Variants in TNKS observed in about 807,000 individuals in gnomAD.
The protein encoded by TNKS is tankyrase.
A neutral mutation model predicts 135.8 loss-of-function variants in TNKS; 72 were observed. The observed-to-expected ratio is 0.53, with a 90% CI of 0.44 to 0.64. TNKS has a LOEUF of 0.64. Among genes scored for constraint, TNKS ranks in the 30% least tolerant of loss-of-function variants. The probability of loss-of-function intolerance (pLI) is 0.00; values close to 1 mark genes in which losing one functional copy is unlikely to be tolerated. For missense variants in TNKS, 1,769 were observed against 1,674.0 expected, an observed-to-expected ratio of 1.06 and a Z score of -0.99; for synonymous variants, 849 against 649.3, an observed-to-expected ratio of 1.31 and a Z score of -4.68.
At chr8:9,723,575 G>T (rs147703870) in intron 12 of TNKS, among the ~76,000 whole-genome samples, 1 of 152,272 alleles carries the variant, frequency 6.6e-6, no homozygotes, top group East Asian at 1.9e-4. Flanking sequence ...AGCTTTTTAT[G>T]AATTAGCACT....
chr8:9,655,098 C>T (rs757932186), intron 3 of TNKS, among the ~76,000 whole-genome samples: 40 of 152,242 alleles, frequency 2.6e-4, no homozygotes, highest in Non-Finnish European at 4.7e-4. Context: ...AGATTATATC[C>T]TGCACCTGGC....
At chr8:9,732,344 T>C (rs543673119) in intron 14 of TNKS, among the ~76,000 whole-genome samples, 3 of 152,358 alleles carry the variant, frequency 2.0e-5, no homozygotes, top group Admixed American at 6.5e-5. Context: ...TCCCGTGTTC[T>C]GAGTTAATTT....
At chr8:9,734,442 T>C (rs919762157) in intron 15 of TNKS, among the ~76,000 whole-genome samples, 1 of 147,940 alleles carries the variant, frequency 6.8e-6, no homozygotes, top group African/African-American at 2.5e-5. Context: ...GCCTTTAGAA[T>C]TAAGTCCTTT....
intron 17 of TNKS, among the ~76,000 whole-genome samples, chr8:9,746,528 C>G (rs192657436): frequency 8.3e-4 from 126 of 152,258 alleles, no homozygotes; most frequent in African/African-American, 2.9e-3. Flanking sequence ...ATTTTTCTTC[C>G]ACTCTCCTTT....
intron 3 of TNKS, among the ~76,000 whole-genome samples, chr8:9,652,581 C>G (rs1489752040): frequency 6.6e-6 from 1 of 152,062 alleles, no homozygotes; most frequent in Non-Finnish European, 1.5e-5. Flanking sequence ...GTGGAGAAAT[C>G]TGTTTTCTCA....
chr8:9,708,471 G>T lies in TNKS; in HGVS notation c.1557G>T (p.Pro519=), dbSNP rs370231803. 42 of 1,605,140 alleles carry T rather than the reference G, an allele frequency of 2.6e-5. No homozygotes were observed. Among genetic ancestry groups the T allele is most frequent in the Admixed American group, 1.2e-4 (7 of 59,370 alleles). ...LALEIINFKQ[P]QSHETALHCA... ...TGGAAATCATTAATTTCAAACAACC[G>T]CAGTCTCATGAAACAGCACTGGTAA... Residue 519 remains proline, a synonymous_variant, in exon 9 of 27, where the codon CCG becomes CCT. Transcript: ENST00000310430.
intron 17 of TNKS, 131 bp from the exon 18 acceptor site, chr8:9,747,893 G>A (rs1205440360): frequency 2.3e-6 from 2 of 881,680 alleles, no homozygotes; most frequent in East Asian, 5.7e-5. Flanking sequence ...CTTTTTTTTA[G>A]AAGAAACTTC....
At chr8:9,630,118 G>T (rs187870753) in intron 3 of TNKS, among the ~76,000 whole-genome samples, 2 of 152,298 alleles carry the variant, frequency 1.3e-5, no homozygotes, top group East Asian at 3.9e-4. Context: ...ACTGTCTGCA[G>T]TGATTTCATT....
intron 5 of TNKS, among the ~76,000 whole-genome samples, chr8:9,703,538 T>C (rs1398821462): frequency 6.6e-6 from 1 of 152,206 alleles, no homozygotes; most frequent in Non-Finnish European, 1.5e-5. Flanking sequence ...TTCAGGACTC[T>C]TCTAATCTGA....
At chr8:9,596,057 G>A (rs1798775420) in intron 2 of TNKS, among the ~76,000 whole-genome samples, 1 of 152,180 alleles carries the variant, frequency 6.6e-6, no homozygotes. Flanking sequence ...GTTGCAGTGA[G>A]CCATAATCAC....
At chr8:9,559,482 A>C (rs1407760074) in intron 1 of TNKS, among the ~76,000 whole-genome samples, 2 of 152,110 alleles carry the variant, frequency 1.3e-5, no homozygotes, top group Non-Finnish European at 2.9e-5. Context: ...TTACATGTGC[A>C]GGTTTGTTAC....
intron 3 of TNKS, among the ~76,000 whole-genome samples, chr8:9,624,030 A>AACAACAACG (rs1554452203): frequency 0.013 from 1,685 of 130,662 alleles, 12 homozygotes; most frequent in African/African-American, 0.027. Flanking sequence ...CAACAACAAC[A>AACAACAACG]ACAACAACAA....
intron 3 of TNKS, among the ~76,000 whole-genome samples, chr8:9,675,179 C>G (rs772416852): frequency 1.4e-4 from 22 of 152,132 alleles, no homozygotes; most frequent in Admixed American, 1.2e-3. Flanking sequence ...TCCACAGCCA[C>G]ATAGCTGGTT....
intron 3 of TNKS, among the ~76,000 whole-genome samples, chr8:9,677,456 A>T (rs1167699334): frequency 1.3e-5 from 2 of 152,186 alleles, no homozygotes; most frequent in East Asian, 3.8e-4. Flanking sequence ...CGGTTTTATT[A>T]CCACTCTTAT....
At chr8:9,712,277 C>G (rs972654203) in intron 11 of TNKS, among the ~76,000 whole-genome samples, 2 of 151,976 alleles carry the variant, frequency 1.3e-5, no homozygotes, top group Admixed American at 1.3e-4. Flanking sequence ...GCCAGGAGTT[C>G]GACACCAGCC....
rs536960150 is a variant in TNKS, at chr8:9,575,465, C to T, written c.674-4694C>T. On this transcript the variant is annotated intron_variant, in intron 1 of 26. Transcript: ENST00000310430. ...AAAGTTATACTAACAAATAGACAAA[C>T]TGACCAACCAAAAAGAAAAGATAAG... 10 of 971,736 alleles carry T rather than the reference C, an allele frequency of 1.0e-5. No individual in the cohort carries two copies. In the African/African-American group the frequency reaches 1.2e-4, roughly 12 times the overall value. The allele number at this position is 971,736 out of a possible 1,614,324, so 60.2% of individuals were successfully genotyped here.
At chr8:9,656,392 C>T (rs1801370228) in intron 3 of TNKS, among the ~76,000 whole-genome samples, 1 of 152,034 alleles carries the variant, frequency 6.6e-6, no homozygotes. Context: ...ACAGAGAACT[C>T]CACAAAGATA....
chr8:9,570,798 G>C (rs912442294), intron 1 of TNKS, among the ~76,000 whole-genome samples: 2 of 152,140 alleles, frequency 1.3e-5, no homozygotes, highest in African/African-American at 4.8e-5. Flanking sequence ...CTCAGGCTAA[G>C]TCATTGCTGT....
intron 3 of TNKS, among the ~76,000 whole-genome samples, chr8:9,662,398 T>C (rs1380857572): frequency 2.0e-5 from 3 of 152,122 alleles, no homozygotes; most frequent in African/African-American, 7.2e-5. Context: ...ATATACACCA[T>C]GGAATACTAT....
Sources: gnomAD v4.1 joint callset for allele counts (sites outside exome capture counted in the v4.1 genomes callset) on GRCh38, gnomAD v4.1.1 for gene constraint, MANE v1.5 for transcripts, NCBI Gene and HGNC (gene_info 2026-07-23, HGNC 2026-07-21) for gene names.